USP49: variants seen among roughly 807,000 people sequenced by gnomAD.
USP49 encodes ubiquitin carboxyl-terminal hydrolase 49.
In USP49, 24 loss-of-function variants were observed where a neutral mutation model predicts 58.6. That is an observed-to-expected ratio of 0.41 (90% CI 0.30 to 0.58). The LOEUF is 0.58. USP49 is among the 20% of genes least tolerant of loss of function. USP49 has a pLI of 0.30. For synonymous variants in USP49, 408 were observed against 365.1 expected (o/e 1.12, Z -1.34); for missense variants, 703 against 866.1 (o/e 0.81, Z 2.36).
chr6:41,880,876 T>C (rs894315792), intron 2 of USP49, among the ~76,000 whole-genome samples: 2 of 152,260 alleles, frequency 1.3e-5, no homozygotes, highest in African/African-American at 4.8e-5. Context: ...GATCCCAGGA[T>C]AAAAGCTGGG....
intron 3 of USP49, among the ~76,000 whole-genome samples, chr6:41,854,087 C>T (rs1164038378): frequency 2.0e-5 from 3 of 150,376 alleles, no homozygotes; most frequent in African/African-American, 4.9e-5. Context: ...GAGGCTGAGG[C>T]AGGTGGATCA....
At chr6:41,838,306 C>G (rs1377466187) in intron 3 of USP49, among the ~76,000 whole-genome samples, 1 of 152,208 alleles carries the variant, frequency 6.6e-6, no homozygotes, top group Non-Finnish European at 1.5e-5. Flanking sequence ...CTAGCATAAC[C>G]AGCATTTGAG....
chr6:41,799,844 G>T lies in USP49; in HGVS notation c.1656C>A (p.His552Gln). 1.2e-6 allele frequency: 2 copies of T among 1,614,008 alleles called. No homozygotes were observed. The highest frequency in any genetic ancestry group is 2.2e-5 in the East Asian group (1 of 44,880). ...AGCAAGCTCACCTGAATCTTTTAAG[G>T]TGCAGCCGGAGAACCTGAGGTAGTC... ...IYRLPQVLRLHLKRFRWSGRN... is the reference protein window; with the variant it reads ...IYRLPQVLRLQLKRFRWSGRN... Residue 552 changes from histidine to glutamine, a missense_variant, in exon 6 of 8, where the codon CAC becomes CAA. By Grantham distance (24) the His-to-Gln change is conservative. Around this residue, in one of 6 missense-constraint regions of USP49, gnomAD observed 158 missense variants for 241.2 expected, o/e 0.66. Coordinates refer to ENST00000682992, the MANE Select transcript of USP49 (RefSeq NM_001286554.2).
At position 41,807,942 on chromosome 6, in the gene USP49, AT is replaced by A. The variant is rs1373979801; in HGVS notation, c.-28-932del. ...GTGCGCGCACCACCACACCCGGCTA[AT>A]TTTTTTGTATTTTTAGTAGAGACGA... On this transcript the variant is annotated intron_variant, in intron 3 of 7. Coordinates refer to ENST00000682992, the MANE Select transcript of USP49 (RefSeq NM_001286554.2). 4.7e-5 allele frequency among the ~76,000 whole-genome samples: 7 copies of A among 149,758 alleles called. No homozygotes were observed. In the East Asian group the frequency reaches 9.9e-4, roughly 21 times the overall value.
chr6:41,854,678 A>C (rs1774094537), intron 3 of USP49, among the ~76,000 whole-genome samples: 2 of 152,194 alleles, frequency 1.3e-5, no homozygotes, highest in Non-Finnish European at 2.9e-5. Context: ...GTGTGCATGT[A>C]AGTGTACACA....
At chr6:41,819,539 CAT>C (rs1352889407) in intron 3 of USP49, among the ~76,000 whole-genome samples, 1 of 152,086 alleles carries the variant, frequency 6.6e-6, no homozygotes, top group Non-Finnish European at 1.5e-5. Flanking sequence ...GTACCCTTGA[CAT>C]ATGTGTGGTT....
intron 2 of USP49, chr6:41,872,854 C>A (rs891792174): frequency 6.7e-6 from 1 of 150,020 alleles, no homozygotes; most frequent in African/African-American, 2.4e-5. Flanking sequence ...TGCAGTGAGC[C>A]AAGATCGCGC....
chr6:41,823,406 G>C (rs1299771647), intron 3 of USP49, among the ~76,000 whole-genome samples: 1 of 152,196 alleles, frequency 6.6e-6, no homozygotes, highest in Non-Finnish European at 1.5e-5. Context: ...TAGGAAGTAA[G>C]ATTTAGAGAT....
At chr6:41,854,763 C>T (rs975602674) in intron 3 of USP49, among the ~76,000 whole-genome samples, 26 of 152,032 alleles carry the variant, frequency 1.7e-4, no homozygotes, top group African/African-American at 2.4e-5. Context: ...CTTAGAACAA[C>T]GCCTTGGAGA....
In USP49 at chr6:41,791,364, G is replaced by C. The variant is rs1696274255; in HGVS notation, c.*5169C>G. On this transcript the variant is annotated 3_prime_UTR_variant, in exon 8 of 8. Coordinates refer to ENST00000682992, the MANE Select transcript of USP49 (RefSeq NM_001286554.2). ...GGCCTCAAGCAATCCTCCCACCTTG[G>C]CCTCCCAAAGTGTTGGGATTACAGG... The C allele has an allele frequency of 6.6e-6, 1 of 152,126 alleles. No homozygotes were observed. Among genetic ancestry groups the C allele is most frequent in the Non-Finnish European group, 1.5e-5 (1 of 68,030 alleles). 9.4% of individuals were successfully genotyped at this position (152,126 alleles called of 1,614,324 possible). A position where few individuals can be genotyped will look rare whatever the true frequency, so the allele number is the denominator to read the frequency against.
At chr6:41,840,055 G>A (rs187573214) in intron 3 of USP49, among the ~76,000 whole-genome samples, 28 of 151,976 alleles carry the variant, frequency 1.8e-4, no homozygotes, top group Admixed American at 1.6e-3. Context: ...GTAAATATCA[G>A]TATAATGAAT....
intron 3 of USP49, among the ~76,000 whole-genome samples, chr6:41,840,103 G>A (rs1426577914): frequency 3.3e-5 from 5 of 151,872 alleles, no homozygotes; most frequent in Admixed American, 1.3e-4. Flanking sequence ...GGCCGGGCAC[G>A]GTGGCTCATG....
At chr6:41,879,796 T>C (rs10456505) in intron 2 of USP49, among the ~76,000 whole-genome samples, 10,968 of 152,272 alleles carry the variant, frequency 0.072, 578 homozygotes, top group Non-Finnish European at 0.11. Flanking sequence ...AAGCAGATAA[T>C]AGGAACATTC....
intron 2 of USP49, among the ~76,000 whole-genome samples, chr6:41,888,264 A>G (rs35085306): frequency 0.19 from 28,421 of 151,894 alleles, 3,235 homozygotes; most frequent in East Asian, 0.29. Flanking sequence ...TATGTTGGCT[A>G]GCCTGGTCTC....
At chr6:41,865,825 C>T (rs1774305919) in intron 3 of USP49, among the ~76,000 whole-genome samples, 1 of 141,520 alleles carries the variant, frequency 7.1e-6, no homozygotes, top group South Asian at 2.3e-4. Context: ...TTTTTTTCCC[C>T]CAGAGACTGG....
chr6:41,859,715 G>GA (rs1386350513), intron 3 of USP49, among the ~76,000 whole-genome samples: 1 of 152,106 alleles, frequency 6.6e-6, no homozygotes, highest in Non-Finnish European at 1.5e-5. Context: ...ATACAGAGGT[G>GA]AAAAAATATT....
chr6:41,812,550 G>T (rs1409845421), intron 3 of USP49, among the ~76,000 whole-genome samples: 1 of 151,766 alleles, frequency 6.6e-6, no homozygotes, highest in Non-Finnish European at 1.5e-5. Flanking sequence ...AAAAATAGCC[G>T]GGCGTGGTGG....
At chr6:41,814,270 T>C (rs559643002) in intron 3 of USP49, among the ~76,000 whole-genome samples, 6 of 152,314 alleles carry the variant, frequency 3.9e-5, no homozygotes, top group African/African-American at 9.6e-5. Flanking sequence ...TTAATTGCCA[T>C]AGTAGTTTTA....
chr6:41,833,498 T>C (rs1270202955), intron 3 of USP49, among the ~76,000 whole-genome samples: 1 of 152,226 alleles, frequency 6.6e-6, no homozygotes, highest in Non-Finnish European at 1.5e-5. Context: ...ATTATAATAA[T>C]AAAGTATTTA....
Sources: allele counts gnomAD v4.1 joint callset (sites outside exome capture counted in the v4.1 genomes callset), GRCh38; gene constraint gnomAD v4.1.1; regional missense constraint gnomAD v4.1.1; transcripts MANE v1.5; gene names NCBI Gene and HGNC (gene_info 2026-07-23, HGNC 2026-07-21).